DCC: variants seen among roughly 807,000 people sequenced by gnomAD.
DCC encodes DCC netrin 1 receptor.
Under a neutral mutation model 172.5 loss-of-function variants are expected in DCC, and 58 were observed. The observed-to-expected ratio is 0.34, with a 90% confidence interval of 0.27 to 0.42. DCC has a LOEUF of 0.42. DCC is among the 10% of genes least tolerant of loss of function. DCC has a pLI of 1.00. For synonymous variants in DCC, 709 were observed against 644.5 expected (o/e 1.10, Z -1.52); for missense variants, 1,740 against 1,791.0 (o/e 0.97, Z 0.51).
intron 1 of DCC, among the ~76,000 whole-genome samples, chr18:52,613,838 C>T (rs1598958224): frequency 6.6e-6 from 1 of 152,096 alleles, no homozygotes; most frequent in African/African-American, 2.4e-5. Context: ...CACGTTGGGT[C>T]CTATACTGGT....
intron 1 of DCC, among the ~76,000 whole-genome samples, chr18:52,569,629 T>A (rs1406916963): frequency 6.6e-6 from 1 of 152,164 alleles, no homozygotes; most frequent in East Asian, 1.9e-4. Flanking sequence ...CCTCTAGGGC[T>A]TCAAGTACTG....
intron 5 of DCC, among the ~76,000 whole-genome samples, chr18:53,048,315 C>T (rs1225330239): frequency 9.2e-5 from 14 of 151,704 alleles, no homozygotes; most frequent in African/African-American, 2.2e-4. Context: ...TCTGTGGTTC[C>T]GTTTTTTCTG....
intron 5 of DCC, among the ~76,000 whole-genome samples, chr18:53,040,292 A>G (rs891637027): frequency 6.6e-6 from 1 of 151,944 alleles, no homozygotes; most frequent in African/African-American, 2.4e-5. Flanking sequence ...TGTTTTACTA[A>G]TGAGAGACTA....
chr18:53,382,494 T>C (rs1040045427), intron 15 of DCC, among the ~76,000 whole-genome samples: 3 of 152,120 alleles, frequency 2.0e-5, no homozygotes, highest in Admixed American at 6.5e-5. Context: ...AAAGTCTTCT[T>C]TGATGACCTA....
intron 5 of DCC, among the ~76,000 whole-genome samples, chr18:52,965,589 T>C (rs78791674): frequency 0.011 from 1,737 of 152,338 alleles, 19 homozygotes; most frequent in Non-Finnish European, 0.017. Context: ...TGTGTTTTTT[T>C]CTTTCTGCAT....
chr18:52,665,946 C>T (rs571423890), intron 1 of DCC, among the ~76,000 whole-genome samples: 78 of 152,248 alleles, frequency 5.1e-4, no homozygotes, highest in African/African-American at 9.9e-4. Context: ...CTCTAGACTT[C>T]ACTTATATCA....
chr18:53,267,100 A>T (rs113171549), intron 12 of DCC, among the ~76,000 whole-genome samples: 3,054 of 138,556 alleles, frequency 0.022, 41 homozygotes, highest in Non-Finnish European at 0.033. Context: ...ACACACACAC[A>T]CTCTCTCTCT....
chr18:52,665,262 G>T (rs1242622144), intron 1 of DCC, among the ~76,000 whole-genome samples: 1 of 152,096 alleles, frequency 6.6e-6, no homozygotes. Context: ...TAGAATATTT[G>T]GGTTTGCTCC....
Position 53,526,576 on chromosome 18 carries a change from T to C in DCC, c.4112-41T>C, listed in dbSNP as rs1483071118. 3.1e-6 allele frequency: 5 copies of C among 1,606,272 alleles called. No homozygotes were observed. In the African/African-American group the frequency reaches 5.4e-5, roughly 17 times the overall value. ...ATACTTGAGAAAGTGTTCTGCAGAA[T>C]GTTTTCTACATTACTTTCATCACTG... On this transcript the variant is annotated intron_variant, in intron 27 of 28. Transcript: ENST00000442544.
chr18:53,149,798 C>T (rs543740983), intron 7 of DCC, among the ~76,000 whole-genome samples: 1 of 152,290 alleles, frequency 6.6e-6, no homozygotes, highest in East Asian at 1.9e-4. Context: ...GAAAATACTT[C>T]CCGAAATTAG....
chr18:53,237,282 A>C (rs974337930), intron 12 of DCC: 1 of 153,906 alleles, frequency 6.5e-6, no homozygotes, highest in African/African-American at 2.4e-5. Context: ...GACTGAGATA[A>C]AATAGAAAAA....
rs573263180 is a variant in DCC, at chr18:52,341,070, G to C, written c.91+192G>C. 4.6e-3 allele frequency among the ~76,000 whole-genome samples: 701 copies of C among 151,504 alleles called. 2 individuals are homozygous for C. The highest frequency in any genetic ancestry group is 7.8e-3 in the Non-Finnish European group (531 of 67,876). On this transcript the variant is annotated intron_variant, in intron 1 of 28. Transcript: ENST00000442544. ...TCCCTGGGGGCGGATGATGGTGGGGGGGTGGTACAAGGGGCGCCCCTTCGC... is the reference window on the plus strand; with the variant it reads ...TCCCTGGGGGCGGATGATGGTGGGGCGGTGGTACAAGGGGCGCCCCTTCGC...
intron 14 of DCC, among the ~76,000 whole-genome samples, chr18:53,338,689 TA>T (rs1239831596): frequency 6.6e-6 from 1 of 152,160 alleles, no homozygotes; most frequent in Non-Finnish European, 1.5e-5. Flanking sequence ...AATGACAACA[TA>T]AAAATCAGAA....
At chr18:52,798,583 AAAGGAAGCT>A (rs1288770504) in intron 2 of DCC, among the ~76,000 whole-genome samples, 1 of 139,494 alleles carries the variant, frequency 7.2e-6, no homozygotes, top group Admixed American at 6.8e-5. Flanking sequence ...TTCTGAGTTG[AAAGGAAGCT>A]ACTCTAATTG....
chr18:53,331,268 C>T (rs909373344), intron 14 of DCC, among the ~76,000 whole-genome samples: 8 of 152,230 alleles, frequency 5.3e-5, no homozygotes, highest in Admixed American at 2.6e-4. Flanking sequence ...TGAGAGCATA[C>T]GGTTTGAATC....
intron 2 of DCC, among the ~76,000 whole-genome samples, chr18:52,794,340 T>A (rs2037831971): frequency 7.1e-6 from 1 of 140,436 alleles, no homozygotes; most frequent in Admixed American, 6.8e-5. Flanking sequence ...TCTTTCATCA[T>A]TTTTTTTGTA....
intron 12 of DCC, among the ~76,000 whole-genome samples, chr18:53,254,114 G>A (rs2056475416): frequency 3.3e-5 from 5 of 152,038 alleles, no homozygotes; most frequent in Non-Finnish European, 7.4e-5. Context: ...AAAAAAGAAT[G>A]ATTATTTAAT....
intron 1 of DCC, among the ~76,000 whole-genome samples, chr18:52,417,446 G>A (rs985491867): frequency 2.0e-5 from 3 of 152,052 alleles, no homozygotes; most frequent in Non-Finnish European, 4.4e-5. Context: ...AAGTTCTCCT[G>A]GATAATATCC....
chr18:52,751,130 C>T (rs1268847453), intron 1 of DCC, among the ~76,000 whole-genome samples: 1 of 152,096 alleles, frequency 6.6e-6, no homozygotes, highest in Non-Finnish European at 1.5e-5. Flanking sequence ...TCTCTAGCCC[C>T]AAAGATTGTT....
Sources: gnomAD v4.1 joint callset for allele counts (sites outside exome capture counted in the v4.1 genomes callset) on GRCh38, gnomAD v4.1.1 for gene constraint, MANE v1.5 for transcripts, NCBI Gene and HGNC (gene_info 2026-07-23, HGNC 2026-07-21) for gene names.